The following AMY2B variants were observed in gnomAD, a reference collection of about 807,000 sequenced individuals.
AMY2B encodes alpha-amylase 2B.
A neutral mutation model predicts 59.3 loss-of-function variants in AMY2B; 63 were observed. The ratio of observed to expected loss-of-function variants is 1.06; its 90% CI spans 0.87 to 1.31. The LOEUF (loss-of-function observed/expected upper bound fraction) is 1.31, where lower values mean the gene tolerates loss of function less well. AMY2B is among the 50% of genes most tolerant of loss of function. The pLI is 0.00. For synonymous variants in AMY2B, 180 were observed against 198.1 expected, an observed-to-expected ratio of 0.91 and a Z score of 0.77; for missense variants, 635 against 626.7, an observed-to-expected ratio of 1.01 and a Z score of -0.14.
intron 7 of AMY2B, among the ~76,000 whole-genome samples, chr1:103,576,357 T>G (rs1652353667): frequency 6.6e-6 from 1 of 152,200 alleles, no homozygotes; most frequent in Non-Finnish European, 1.5e-5. Context: ...TAAACAGCTT[T>G]AATATTTAGG....
chr1:103,572,799 T>G (rs1189575023), intron 2 of AMY2B, among the ~76,000 whole-genome samples: 3 of 152,170 alleles, frequency 2.0e-5, no homozygotes, highest in African/African-American at 7.2e-5. Flanking sequence ...CGAAATGGGC[T>G]TTTTGCATTT....
intron 1 of AMY2B, among the ~76,000 whole-genome samples, chr1:103,559,270 C>G (rs2101060507): frequency 6.6e-6 from 1 of 152,268 alleles, no homozygotes; most frequent in South Asian, 2.1e-4. Context: ...TTTAGGTACA[C>G]AAGTACACTG....
intron 5 of AMY2B, among the ~76,000 whole-genome samples, chr1:103,574,749 T>C (rs1248242233): frequency 2.0e-5 from 3 of 151,706 alleles, no homozygotes; most frequent in African/African-American, 7.2e-5. Context: ...AGAATTTACA[T>C]ATATTATATG....
upstream of AMY2B, chr1:103,571,534 T>A (rs192436700): frequency 1.6e-4 from 256 of 1,585,500 alleles, no homozygotes; most frequent in African/African-American, 3.1e-3. Context: ...TAATATTTAC[T>A]TTGTAAAATG....
chr1:103,570,418 G>A (rs888474683), upstream of AMY2B: 29 of 872,026 alleles, frequency 3.3e-5, no homozygotes, highest in South Asian at 5.2e-5. Context: ...GTGGACATCC[G>A]CAAAGACCTG....
At chr1:103,579,237 T>C (rs1336574579) in intron 9 of AMY2B, 74 bp from the exon 10 acceptor site, 1 of 1,610,266 alleles carries the variant, frequency 6.2e-7, no homozygotes, top group African/African-American at 1.3e-5. Context: ...CATAAAGTTA[T>C]GCTGTTTAGT....
At chr1:103,556,565 A>G (rs1327147908) in intron 1 of AMY2B, among the ~76,000 whole-genome samples, 2 of 151,948 alleles carry the variant, frequency 1.3e-5, no homozygotes, top group African/African-American at 4.8e-5. Context: ...AATAATATAT[A>G]ATAGTACTAA....
rs1276386063 is a variant in AMY2B at position 103,573,832 on chromosome 1, C to T, written c.638C>T (p.Ala213Val). 6.2e-7 allele frequency: 1 copy of T among 1,613,878 alleles called. No individual in the cohort carries two copies. The highest frequency in any genetic ancestry group is 1.7e-5 in the Admixed American group (1 of 60,006). ...GGTGTTGCAGGGTTCAGACTTGATG[C>T]TTCCAAGCACATGTGGCCTGGAGAC... ...DIGVAGFRLD[A>V]SKHMWPGDIK... is the part of the protein sequence containing the mutation. Residue 213 changes from alanine (A) to valine (V), a missense_variant, in exon 4 of 10, where the codon GCT becomes GTT. Coordinates refer to ENST00000684275, the MANE Select transcript of AMY2B (RefSeq NM_001387437.1).
intron 1 of AMY2B, among the ~76,000 whole-genome samples, chr1:103,558,904 G>A (rs1051826092): frequency 1.3e-5 from 2 of 150,610 alleles, no homozygotes; most frequent in Non-Finnish European, 3.0e-5. Context: ...TACTGAACAT[G>A]TATTGAGTTT....
chr1:103,573,000 C>T, intron 2 of AMY2B, 63 bp from the exon 3 acceptor site: 1 of 1,610,998 alleles, frequency 6.2e-7, no homozygotes, highest in South Asian at 1.1e-5. Context: ...AAACTTGAAT[C>T]AATAATGCTT....
chr1:103,561,720 G>T (rs1651741105), intron 1 of AMY2B: 1 of 151,822 alleles, frequency 6.6e-6, no homozygotes, highest in Admixed American at 6.6e-5. Flanking sequence ...ATTGCGAGAG[G>T]ATATTGTAGA....
rs776440835 is a variant in AMY2B at position 103,572,070 on chromosome 1, A to G, written c.169-40A>G. ...GTTTCTAGAACATTCAATGATATAG[A>G]GTAAGAATTTGGTAGTTATGAAGAC... On this transcript the variant is annotated intron_variant, in intron 1 of 9. Coordinates refer to ENST00000684275, the MANE Select transcript of AMY2B (RefSeq NM_001387437.1). The G allele has an allele frequency of 4.3e-6, 7 of 1,611,358 alleles. No homozygotes were observed. The Admixed American group carries it at 1.2e-4, about 27-fold the overall frequency.
upstream of AMY2B, among the ~76,000 whole-genome samples, chr1:103,567,070 T>C (rs190029358): frequency 1.4e-4 from 22 of 152,102 alleles, no homozygotes; most frequent in African/African-American, 5.1e-4. Context: ...ACAAAAGAAG[T>C]CAAATATAGC....
chr1:103,571,541 A>C, upstream of AMY2B: 1 of 1,585,326 alleles, frequency 6.3e-7, no homozygotes, highest in Non-Finnish European at 8.6e-7. Flanking sequence ...TACTTTGTAA[A>C]ATGTGCTTCT....
At chr1:103,565,741 G>C (rs1369731941) in intron 2 of AMY2B, 1 of 152,130 alleles carries the variant, frequency 6.6e-6, no homozygotes, top group African/African-American at 2.4e-5. Context: ...TCTTTGTAGA[G>C]AGAGACTTTA....
At chr1:103,570,069 C>A, upstream of AMY2B, 1 of 435,926 alleles carries the variant, frequency 2.3e-6, no homozygotes, top group Admixed American at 2.8e-5. Context: ...CCCTCCCTGA[C>A]ACCATTCTGC....
intron 7 of AMY2B, among the ~76,000 whole-genome samples, chr1:103,576,903 C>CCGA (rs1438108626): frequency 6.6e-6 from 1 of 152,170 alleles, no homozygotes; most frequent in African/African-American, 2.4e-5. Flanking sequence ...TAATGCCCTT[C>CCGA]CCATTTCAAT....
chr1:103,579,265 T>C, intron 9 of AMY2B, 46 bp from the exon 10 acceptor site: 3 of 1,611,518 alleles, frequency 1.9e-6, no homozygotes, highest in Non-Finnish European at 2.5e-6. Context: ...GCCTGTATTC[T>C]TGATTTTCAG....
At chr1:103,571,937 T>A (rs1251358670) in intron 1 of AMY2B, among the ~76,000 whole-genome samples, 167 bp downstream of exon 1, 1 of 152,234 alleles carries the variant, frequency 6.6e-6, no homozygotes, top group Non-Finnish European at 1.5e-5. Context: ...CTTTATATTT[T>A]GTTTCTGAGA....
Sources: gnomAD v4.1 joint callset for allele counts (sites outside exome capture counted in the v4.1 genomes callset) on GRCh38, gnomAD v4.1.1 for gene constraint, MANE v1.5 for transcripts, NCBI Gene and HGNC (gene_info 2026-07-23, HGNC 2026-07-21) for gene names.